The following STK33 variants were observed in gnomAD, a reference collection of about 807,000 sequenced individuals.
The protein encoded by STK33 is serine/threonine-protein kinase 33.
A neutral mutation model predicts 58.0 loss-of-function variants in STK33; 52 were observed. That is an observed-to-expected ratio of 0.90 (90% CI 0.72 to 1.13). The LOEUF (loss-of-function observed/expected upper bound fraction) is 1.13. Ranked by LOEUF, STK33 falls within the 50% of genes most tolerant of loss-of-function variation. STK33 has a pLI of 0.00. For synonymous variants in STK33, 215 were observed against 200.1 expected (o/e 1.07, Z -0.63); for missense variants, 630 against 604.2 (o/e 1.04, Z -0.45).
At chr11:8,517,035 CA>C (rs1255683429) in intron 1 of STK33, among the ~76,000 whole-genome samples, 1 of 152,188 alleles carries the variant, frequency 6.6e-6, no homozygotes, top group African/African-American at 2.4e-5. Flanking sequence ...ACTGCCTCCT[CA>C]AGTGGGTCCC....
At chr11:8,494,862 T>C (rs1473999202) in intron 1 of STK33, among the ~76,000 whole-genome samples, 1 of 152,210 alleles carries the variant, frequency 6.6e-6, no homozygotes, top group Admixed American at 6.5e-5. Context: ...CCCTATTTAA[T>C]AAATGGTGCT....
chr11:8,487,452 A>C (rs972953645), intron 1 of STK33, among the ~76,000 whole-genome samples: 11 of 150,344 alleles, frequency 7.3e-5, no homozygotes, highest in Non-Finnish European at 1.3e-4. Flanking sequence ...AGAGAGAGAG[A>C]GAGAAAGAGA....
At chr11:8,516,658 T>G (rs1952813928) in intron 1 of STK33, among the ~76,000 whole-genome samples, 1 of 152,232 alleles carries the variant, frequency 6.6e-6, no homozygotes. Context: ...CCAAATGACC[T>G]TAGCAAATGG....
the STK33 span, among the ~76,000 whole-genome samples, chr11:8,354,898 C>T: frequency 2.0e-5 from 3 of 152,252 alleles, no homozygotes; most frequent in Non-Finnish European, 4.4e-5. Flanking sequence ...CCCAGCCTGG[C>T]AGGGCTGGGC....
intron 2 of STK33, among the ~76,000 whole-genome samples, chr11:8,479,126 G>A (rs1298242459): frequency 6.6e-6 from 1 of 152,156 alleles, no homozygotes; most frequent in East Asian, 1.9e-4. Flanking sequence ...TTAAAAGCGA[G>A]AACAGAGGCC....
chr11:8,578,412 A>C (rs1004145453), intron 1 of STK33, among the ~76,000 whole-genome samples: 1 of 152,086 alleles, frequency 6.6e-6, no homozygotes, highest in African/African-American at 2.4e-5. Context: ...ATTCAGTGGA[A>C]TACTATGCAG....
At chr11:8,492,381 C>A (rs964501915) in intron 1 of STK33, among the ~76,000 whole-genome samples, 4 of 152,162 alleles carry the variant, frequency 2.6e-5, no homozygotes, top group Admixed American at 1.3e-4. Context: ...GGGATCAATT[C>A]AACAAGAAGA....
At chr11:8,435,470 GA>G in intron 14 of STK33, 23 bp downstream of exon 14, 1 of 1,288,944 alleles carries the variant, frequency 7.8e-7, no homozygotes, top group Non-Finnish European at 1.0e-6. Flanking sequence ...ATGTCAGAAA[GA>G]AAAAAGTAAT....
chr11:8,537,896 A>C (rs1418565498), intron 1 of STK33, among the ~76,000 whole-genome samples: 1 of 151,862 alleles, frequency 6.6e-6, no homozygotes, highest in African/African-American at 2.4e-5. Context: ...GAGTAAAAAA[A>C]AAAAATAGGA....
At chr11:8,412,003 GAA>G (rs1358396605) in intron 15 of STK33, among the ~76,000 whole-genome samples, 1 of 152,110 alleles carries the variant, frequency 6.6e-6, no homozygotes, top group Non-Finnish European at 1.5e-5. Flanking sequence ...CACGGCAATG[GAA>G]AAGGGGATGG....
intron 14 of STK33, among the ~76,000 whole-genome samples, chr11:8,415,383 G>A (rs1392588213): frequency 3.3e-5 from 5 of 152,118 alleles, no homozygotes; most frequent in Non-Finnish European, 7.4e-5. Context: ...ACATGACCAT[G>A]TGCCTTACTT....
the STK33 span, among the ~76,000 whole-genome samples, chr11:8,339,932 G>A: frequency 6.6e-6 from 1 of 152,128 alleles, no homozygotes; most frequent in African/African-American, 2.4e-5. Context: ...GACCCGACCC[G>A]CCTACCTTCT....
chr11:8,537,591 T>C (rs965029500), intron 1 of STK33, among the ~76,000 whole-genome samples: 1 of 152,076 alleles, frequency 6.6e-6, no homozygotes, highest in Non-Finnish European at 1.5e-5. Context: ...GTACACATTA[T>C]TGTTTAGAAT....
the STK33 span, among the ~76,000 whole-genome samples, chr11:8,378,953 C>T: frequency 6.6e-6 from 1 of 152,080 alleles, no homozygotes; most frequent in Admixed American, 6.6e-5. Context: ...GACACGTAGA[C>T]CAATGCAACA....
intron 1 of STK33, among the ~76,000 whole-genome samples, chr11:8,570,033 A>C (rs1957699268): frequency 6.6e-6 from 1 of 152,164 alleles, no homozygotes; most frequent in Non-Finnish European, 1.5e-5. Flanking sequence ...CATATATCTA[A>C]AAAAAACTTG....
chr11:8,471,351 G>A (rs1163362457), intron 6 of STK33, among the ~76,000 whole-genome samples: 1 of 152,152 alleles, frequency 6.6e-6, no homozygotes, highest in Non-Finnish European at 1.5e-5. Flanking sequence ...AGTGATGAAG[G>A]AGAAAACAGT....
intron 1 of STK33, among the ~76,000 whole-genome samples, chr11:8,528,219 A>G (rs1205019714): frequency 6.9e-6 from 1 of 145,008 alleles, no homozygotes; most frequent in Non-Finnish European, 1.5e-5. Flanking sequence ...TAATTGTTTA[A>G]AGGCATTTTG....
At chr11:8,508,844 C>G (rs1029551722) in intron 1 of STK33, among the ~76,000 whole-genome samples, 1 of 152,120 alleles carries the variant, frequency 6.6e-6, no homozygotes, top group African/African-American at 2.4e-5. Flanking sequence ...TGGCCGGGCT[C>G]AGTGGCTCAA....
intron 6 of STK33, among the ~76,000 whole-genome samples, chr11:8,469,800 T>C (rs1056352007): frequency 2.0e-5 from 3 of 152,196 alleles, no homozygotes; most frequent in Non-Finnish European, 2.9e-5. Context: ...CTTGTACATC[T>C]CCATTAGAGC....
Sources: allele counts gnomAD v4.1 joint callset (sites outside exome capture counted in the v4.1 genomes callset), GRCh38; gene constraint gnomAD v4.1.1; transcripts MANE v1.5; gene names NCBI Gene and HGNC (gene_info 2026-07-23, HGNC 2026-07-21).